MFSD2A: variants seen among roughly 807,000 people sequenced by gnomAD.
MFSD2A encodes sodium-dependent lysophosphatidylcholine symporter 1.
MFSD2A carries 27 observed loss-of-function variants against 64.7 expected under a neutral mutation model. That is an observed-to-expected ratio of 0.42 (90% CI 0.31 to 0.58). MFSD2A has a LOEUF of 0.58. Ranked by LOEUF, MFSD2A falls within the 20% of genes least tolerant of loss-of-function variation. MFSD2A has a pLI of 0.18. For missense variants in MFSD2A, 474 were observed against 679.5 expected, an observed-to-expected ratio of 0.70 and a Z score of 3.36; for synonymous variants, 258 against 273.4, an observed-to-expected ratio of 0.94 and a Z score of 0.55.
chr1:39,955,691 G>C lies in MFSD2A; in HGVS notation c.93+306G>C, dbSNP rs752661379. 1.6e-6 allele frequency: 1 copy of C among 607,984 alleles called. No individual in the cohort carries two copies. The allele number at this position is 607,984 out of a possible 1,614,324, so 37.7% of individuals were successfully genotyped here. On this transcript the variant is annotated intron_variant, in intron 1 of 13. Coordinates refer to ENST00000372811, the MANE Select transcript of MFSD2A (RefSeq NM_032793.5). This position sits in a 1 kb window ranked among gnomAD's most constrained non-coding sequence, Gnocchi z 5.9. ...CTTCCGTGTTGAGCGGCTGGGGCTT[G>C]CCGCCCCAAACCCCAGAGATGACCC...
chr1:39,969,163 G>A (rs1348400758), intron 13 of MFSD2A, among the ~76,000 whole-genome samples: 2 of 152,174 alleles, frequency 1.3e-5, no homozygotes, highest in Non-Finnish European at 2.9e-5. Context: ...TCAGCATTCC[G>A]GCTCCAGAGA....
rs556597027 is a variant in MFSD2A, at chr1:39,969,586, G to A, written c.*18G>A. The A allele has an allele frequency of 7.5e-5, 121 of 1,608,042 alleles. No homozygotes were observed. Among genetic ancestry groups the A allele is most frequent in the Non-Finnish European group, 9.3e-5 (110 of 1,177,460 alleles). On this transcript the variant is annotated 3_prime_UTR_variant, in exon 14 of 14. Coordinates refer to ENST00000372811, the MANE Select transcript of MFSD2A (RefSeq NM_032793.5). ...TCCTCTAGGGCCCGCCACGTTGCCC[G>A]AAGCCACCATGCAGAAGGCCACAGA...
chr1:39,967,601 C>G, intron 9 of MFSD2A, 27 bp from the exon 10 acceptor site: 2 of 1,609,370 alleles, frequency 1.2e-6, no homozygotes, highest in Non-Finnish European at 1.7e-6. Context: ...AAAGCACCTC[C>G]CTTTAACCCC....
intron 8 of MFSD2A, 48 bp from the exon 9 acceptor site, chr1:39,967,038 C>G (rs764941065): frequency 7.5e-6 from 12 of 1,610,552 alleles, no homozygotes; most frequent in Middle Eastern, 1.6e-4. Context: ...TCAGCCCCAA[C>G]ATCACCTCCT....
Position 39,968,181 on chromosome 1 carries a change from A to C in MFSD2A, c.1209-153A>C, listed in dbSNP as rs1280886976. 2.2e-6 allele frequency: 2 copies of C among 897,474 alleles called. No homozygotes were observed. Among genetic ancestry groups the C allele is most frequent in the African/African-American group, 3.4e-5 (2 of 59,512 alleles). The allele number at this position is 897,474 out of a possible 1,614,324, so 55.6% of individuals were successfully genotyped here. On this transcript the variant is annotated intron_variant, in intron 11 of 13. Coordinates refer to ENST00000372811, the MANE Select transcript of MFSD2A (RefSeq NM_032793.5). The surrounding 1 kb of genome is among the most constrained non-coding windows in gnomAD (Gnocchi z 4.4). ...TCCAGGCAGGGTTACTTCCTCTTAG[A>C]GCAAGAGGCCTTTTCTTATTCATGT... is the stretch of plus-strand genomic sequence containing the variant.
chr1:39,966,287 G>GT (rs1436283296), intron 6 of MFSD2A, among the ~76,000 whole-genome samples: 3 of 152,216 alleles, frequency 2.0e-5, no homozygotes, highest in East Asian at 1.9e-4. Flanking sequence ...CCTGGTTTCT[G>GT]TTTTTTTCCT....
Position 39,969,652 on chromosome 1 carries a change from C to G in MFSD2A, c.*84C>G. ...TCTGCCGGCTTGCTGAGCAGCTGGA[C>G]TGCAGGTGCTAGGAAGGGAACTGAA... On this transcript the variant is annotated 3_prime_UTR_variant, in exon 14 of 14. Transcript: ENST00000372811. 7 of 1,301,998 alleles carry G rather than the reference C, an allele frequency of 5.4e-6. No individual in the cohort carries two copies. Among genetic ancestry groups the G allele is most frequent in the Non-Finnish European group, 7.5e-6 (7 of 929,850 alleles). The allele number at this position is 1,301,998 out of a possible 1,614,324, so 80.7% of individuals were successfully genotyped here. A position where few individuals can be genotyped will look rare whatever the true frequency, so the allele number is the denominator to read the frequency against.
chr1:39,959,117 C>G (rs896537430), intron 3 of MFSD2A, among the ~76,000 whole-genome samples: 1 of 152,154 alleles, frequency 6.6e-6, no homozygotes, highest in Non-Finnish European at 1.5e-5. Context: ...TGAATTCTCC[C>G]ACTCTATCAC....
chr1:39,965,747 C>A lies in MFSD2A; in HGVS notation c.557-110C>A. The A allele has an allele frequency of 7.0e-7, 1 of 1,434,122 alleles. No individual in the cohort carries two copies. The highest frequency in any genetic ancestry group is 9.6e-7 in the Non-Finnish European group (1 of 1,040,618). 88.8% of individuals were successfully genotyped at this position (1,434,122 alleles called of 1,614,324 possible). On this transcript the variant is annotated intron_variant, in intron 5 of 13. Coordinates refer to ENST00000372811, the MANE Select transcript of MFSD2A (RefSeq NM_032793.5). The surrounding 1 kb of genome is among the most constrained non-coding windows in gnomAD (Gnocchi z 5.5). ...AACCAAGGTGTCACCTACCCCACTA[C>A]CTCTACCCACCCTGCCTGGAGCTAC...
rs1057517688 is a variant in MFSD2A, at chr1:39,965,333, C to T, written c.476C>T (p.Thr159Met). Reference protein sequence around the residue: ...LFYCLFETMVTCFHVPYSALT... With the variant: ...LFYCLFETMVMCFHVPYSALT... The stretch of plus-strand genomic sequence containing the variant: ...TATTGCCTCTTTGAAACAATGGTCA[C>T]GGTGAGTGTGGGTACCTCCCTTGGG... The change falls in exon 4 of 14, where the codon ACG becomes ATG. Residue 159 changes from threonine to methionine, a missense_variant and splice_region_variant. Transcript: ENST00000372811. This position sits in a 1 kb window ranked among gnomAD's most constrained non-coding sequence, Gnocchi z 5.5. 14 of 1,614,098 alleles carry T rather than the reference C, an allele frequency of 8.7e-6. No individual in the cohort carries two copies. Among genetic ancestry groups the T allele is most frequent in the South Asian group, 1.1e-5 (1 of 91,090 alleles).
At position 39,968,747 on chromosome 1, in the gene MFSD2A, T is replaced by G. The variant is rs112704028; in HGVS notation, c.1529+2T>G. On this transcript the variant is annotated splice_donor_variant, in intron 13 of 13. Coordinates refer to ENST00000372811, the MANE Select transcript of MFSD2A (RefSeq NM_032793.5). LOFTEE classifies it high-confidence loss of function. This position sits in a 1 kb window ranked among gnomAD's most constrained non-coding sequence, Gnocchi z 4.4. The stretch of plus-strand genomic sequence containing the variant: ...TAAGAAGGCCCTGCAGGCACTGAGG[T>G]GAGTGGGGAGGGGACAGGATGCTGG... 6.2e-7 allele frequency: 1 copy of G among 1,613,770 alleles called. No individual in the cohort carries two copies. Among genetic ancestry groups the G allele is most frequent in the African/African-American group, 1.3e-5 (1 of 74,848 alleles).
chr1:39,957,258 C>T (rs1257265267), intron 2 of MFSD2A, 37 bp downstream of exon 2: 1 of 1,512,474 alleles, frequency 6.6e-7, no homozygotes, highest in African/African-American at 1.4e-5. Context: ...CCTTCAGCAT[C>T]CTGAGGTGGG....
rs1271702689 is a variant in MFSD2A, at chr1:39,960,232, T to TG, written c.353+1414dup. 2.0e-5 allele frequency among the ~76,000 whole-genome samples: 3 copies of TG among 152,122 alleles called. No individual in the cohort carries two copies. The highest frequency in any genetic ancestry group is 2.9e-5 in the Non-Finnish European group (2 of 67,988). On this transcript the variant is annotated intron_variant, in intron 3 of 13. Transcript: ENST00000372811. The surrounding 1 kb of genome is among the most constrained non-coding windows in gnomAD (Gnocchi z 4.8). ...CTCCAGGACATCCTGCTTCAGGGTGTGGGGGGGCATACCCCTTTCATCTCC... is the reference window on the plus strand; with the variant it reads ...CTCCAGGACATCCTGCTTCAGGGTGTGGGGGGGGCATACCCCTTTCATCTCC...
chr1:39,968,733 T>G lies in MFSD2A; in HGVS notation c.1517T>G (p.Leu506Arg), dbSNP rs1170315615. Residue 506 changes from leucine (L) to arginine (R), a missense_variant, in exon 13 of 14, where the codon CTG becomes CGG. By Grantham distance (102) the Leu-to-Arg change is moderately radical (BLOSUM62 -2). Coordinates refer to ENST00000372811, the MANE Select transcript of MFSD2A (RefSeq NM_032793.5). The surrounding 1 kb of genome is among the most constrained non-coding windows in gnomAD (Gnocchi z 4.4). ...AGGCGGCGGCAGAATAAGAAGGCCCTGCAGGCACTGAGGTGAGTGGGGAGG... is the reference window on the plus strand; with the variant it reads ...AGGCGGCGGCAGAATAAGAAGGCCCGGCAGGCACTGAGGTGAGTGGGGAGG... ...EERRRQNKKA[L>R]QALRDEASSS... 2 of 1,613,998 alleles carry G rather than the reference T, an allele frequency of 1.2e-6. No individual in the cohort carries two copies. The highest frequency in any genetic ancestry group is 1.7e-6 in the Non-Finnish European group (2 of 1,179,996).
At chr1:39,962,743 T>G (rs1309943405) in intron 3 of MFSD2A, 1 of 863,326 alleles carries the variant, frequency 1.2e-6, no homozygotes, top group Non-Finnish European at 1.9e-6. Flanking sequence ...GTCACCAAGC[T>G]GGGCCGCTTG....
At position 39,968,730 on chromosome 1, in the gene MFSD2A, C is replaced by A; in HGVS notation, c.1514C>A (p.Ala505Asp). The change falls in exon 13 of 14, where the codon GCC (alanine) becomes GAC (aspartate). Residue 505 changes from alanine (A) to aspartate (D), a missense_variant. Ala to Asp is a moderately radical substitution (Grantham distance 126, BLOSUM62 -2). Transcript: ENST00000372811. This position sits in a 1 kb window ranked among gnomAD's most constrained non-coding sequence, Gnocchi z 4.4. ...DEERRRQNKK[A>D]LQALRDEASS... ...GAGAGGCGGCGGCAGAATAAGAAGG[C>A]CCTGCAGGCACTGAGGTGAGTGGGG... The A allele has an allele frequency of 6.2e-7, 1 of 1,614,042 alleles. No homozygotes were observed. Among genetic ancestry groups the A allele is most frequent in the Non-Finnish European group, 8.5e-7 (1 of 1,180,006 alleles).
At chr1:39,966,153 T>C (rs1645156497) in intron 6 of MFSD2A, 139 bp downstream of exon 6, 2 of 990,870 alleles carry the variant, frequency 2.0e-6, no homozygotes, top group South Asian at 1.7e-5. Flanking sequence ...ATGCACCCAA[T>C]ATACCTACTT....
Position 39,964,965 on chromosome 1 carries a change from A to G in MFSD2A, c.354-246A>G, listed in dbSNP as rs896428834. 2 of 560,586 alleles carry G rather than the reference A, an allele frequency of 3.6e-6. No individual in the cohort carries two copies. Among genetic ancestry groups the G allele is most frequent in the African/African-American group, 1.9e-5 (1 of 53,182 alleles). The allele number at this position is 560,586 out of a possible 1,614,324, so 34.7% of individuals were successfully genotyped here. On this transcript the variant is annotated intron_variant, in intron 3 of 13. Coordinates refer to ENST00000372811, the MANE Select transcript of MFSD2A (RefSeq NM_032793.5). This position sits in a 1 kb window ranked among gnomAD's most constrained non-coding sequence, Gnocchi z 4.1. ...AGGCTGCTGCCTCTGGACTAGACTC[A>G]GGCTCTGACCTCACACTCCATGCCT... is the stretch of plus-strand genomic sequence containing the variant.
intron 3 of MFSD2A, among the ~76,000 whole-genome samples, chr1:39,961,864 G>A (rs1017027634): frequency 6.6e-6 from 1 of 152,182 alleles, no homozygotes; most frequent in South Asian, 2.1e-4. Flanking sequence ...AGGCCAGTGT[G>A]TGAGAGACCA....
Sources: allele counts gnomAD v4.1 joint callset (sites outside exome capture counted in the v4.1 genomes callset), GRCh38; gene constraint gnomAD v4.1.1; non-coding constraint Gnocchi (gnomAD v3.1); transcripts MANE v1.5; gene names NCBI Gene and HGNC (gene_info 2026-07-23, HGNC 2026-07-21).